The following GLB1 variants were observed in gnomAD, a reference collection of about 807,000 sequenced individuals.
GLB1 encodes the protein beta-galactosidase.
Under a neutral mutation model 74.0 loss-of-function variants are expected in GLB1, and 56 were observed. The observed-to-expected ratio is 0.76, with a 90% CI of 0.61 to 0.94. The LOEUF is 0.94. Among genes scored for constraint, GLB1 ranks in the 40% least tolerant of loss-of-function variants. The probability of loss-of-function intolerance (pLI) is 0.00; values close to 1 mark genes in which losing one functional copy is unlikely to be tolerated. For synonymous variants in GLB1, 323 were observed against 323.6 expected (o/e 1.00, Z 0.02); for missense variants, 787 against 845.5 (o/e 0.93, Z 0.86).
intron 1 of GLB1, chr3:33,092,744 G>A (rs1285208044): frequency 2.6e-5 from 40 of 1,511,936 alleles, no homozygotes; most frequent in Non-Finnish European, 3.5e-5. Flanking sequence ...GAGTGGGCAA[G>A]GCTGGAGGGG....
intron 1 of GLB1, chr3:33,096,480 G>C: frequency 1.0e-6 from 1 of 984,952 alleles, no homozygotes; most frequent in Non-Finnish European, 1.2e-6. Flanking sequence ...AAGGGCAGGC[G>C]ACGGGGAGTG....
chr3:33,051,076 A>G (rs1478423860), intron 9 of GLB1, among the ~76,000 whole-genome samples: 1 of 151,620 alleles, frequency 6.6e-6, no homozygotes, highest in Non-Finnish European at 1.5e-5. Context: ...AAAATACAAA[A>G]ACAAAAATTA....
the GLB1 span, among the ~76,000 whole-genome samples, chr3:32,969,168 T>C: frequency 6.6e-6 from 1 of 152,186 alleles, no homozygotes; most frequent in Non-Finnish European, 1.5e-5. Flanking sequence ...GTGCTGGGTA[T>C]GCAGTGGTGA....
chr3:33,047,197 G>A (rs982122052), intron 9 of GLB1, among the ~76,000 whole-genome samples: 2 of 152,150 alleles, frequency 1.3e-5, no homozygotes, highest in African/African-American at 4.8e-5. Flanking sequence ...AAAGACCAAT[G>A]GATAATGCCA....
At chr3:33,012,071 G>T (rs182796341) in intron 15 of GLB1, among the ~76,000 whole-genome samples, 25 of 152,200 alleles carry the variant, frequency 1.6e-4, no homozygotes, top group Non-Finnish European at 3.2e-4. Flanking sequence ...TCATGTTTTT[G>T]TCCCTCAAAC....
intron 1 of GLB1, among the ~76,000 whole-genome samples, chr3:33,087,130 C>T (rs1700537761): frequency 1.3e-5 from 2 of 151,962 alleles, no homozygotes; most frequent in African/African-American, 4.8e-5. Flanking sequence ...AAGAGAATAG[C>T]ATGAACAACT....
chr3:32,964,378 C>A, the GLB1 span, among the ~76,000 whole-genome samples: 1 of 152,144 alleles, frequency 6.6e-6, no homozygotes. Flanking sequence ...GTGCAGTGGA[C>A]AAAGGGTAAA....
chr3:33,028,668 T>A (rs111420869), intron 10 of GLB1, among the ~76,000 whole-genome samples: 11,313 of 143,122 alleles, frequency 0.079, 509 homozygotes, highest in East Asian at 0.23. Context: ...ACCCAAAAAT[T>A]TTTTTTTTTT....
chr3:33,051,241 A>C (rs1159544082), intron 9 of GLB1, among the ~76,000 whole-genome samples: 1 of 150,314 alleles, frequency 6.7e-6, no homozygotes, highest in Non-Finnish European at 1.5e-5. Flanking sequence ...CTCAAAAAAA[A>C]AAAAAAAAAA....
At position 33,070,124 on chromosome 3, in the gene GLB1, G is replaced by A. The variant is rs1699838616; in HGVS notation, c.246-1154C>T. Among the ~76,000 whole-genome samples the A allele has an allele frequency of 4.6e-5, 7 of 152,276 alleles. No individual in the cohort carries two copies. The South Asian group carries it at 1.5e-3, about 32-fold the overall frequency. ...CCAGCTGCATCCAGTTTGCTGTAAA[G>A]GACATGATCTCATTCTTTTTTGTGA... is the stretch of plus-strand genomic sequence containing the variant. On this transcript the variant is annotated intron_variant, in intron 2 of 15. Transcript: ENST00000307363.
chr3:33,024,959 T>G (rs1373378743), intron 10 of GLB1, among the ~76,000 whole-genome samples: 1 of 152,134 alleles, frequency 6.6e-6, no homozygotes, highest in African/African-American at 2.4e-5. Flanking sequence ...TTTTTTTTTT[T>G]TTTGAGACGA....
chr3:33,068,396 G>C, intron 3 of GLB1, 106 bp from the exon 4 acceptor site: 1 of 1,459,546 alleles, frequency 6.9e-7, no homozygotes, highest in South Asian at 1.3e-5. Context: ...AGCTTCAAGG[G>C]ACAAGGGGTA....
At chr3:33,031,804 G>C (rs180873066) in intron 10 of GLB1, among the ~76,000 whole-genome samples, 16 of 150,512 alleles carry the variant, frequency 1.1e-4, no homozygotes, top group African/African-American at 3.7e-4. Context: ...TTTTTGTTTT[G>C]TTTTGTTTTT....
intron 15 of GLB1, among the ~76,000 whole-genome samples, chr3:32,999,186 AACT>A (rs1696441305): frequency 6.6e-6 from 1 of 152,236 alleles, no homozygotes; most frequent in African/African-American, 2.4e-5. Context: ...CAGTTCTCAG[AACT>A]ATTTCACTCT....
At position 33,097,017 on chromosome 3, in the gene GLB1, G is replaced by A. The variant is rs780964758; in HGVS notation, c.69C>T (p.Gly23=). ...CCGGGTCCCGCAGACTTACGCGCAA[G>A]CCGCGCGTAGGGCCCAGAAGCAGCA... ...LVLLLLGPTR[G]LRNATQRMFE... The change falls in exon 1 of 16, where the codon GGC becomes GGT. Residue 23 remains glycine (G), a synonymous_variant. Transcript: ENST00000307363. The A allele has an allele frequency of 5.0e-6, 8 of 1,612,080 alleles. No homozygotes were observed. The highest frequency in any genetic ancestry group is 5.9e-6 in the Non-Finnish European group (7 of 1,178,936).
chr3:32,963,542 T>A, the GLB1 span, among the ~76,000 whole-genome samples: 1 of 152,214 alleles, frequency 6.6e-6, no homozygotes, highest in Non-Finnish European at 1.5e-5. Flanking sequence ...GCAATTGAAC[T>A]TTTTTCAAAT....
At chr3:32,981,634 C>T in the GLB1 span, among the ~76,000 whole-genome samples, 2 of 151,350 alleles carry the variant, frequency 1.3e-5, no homozygotes, top group Non-Finnish European at 2.9e-5. Flanking sequence ...ATTAGCCAGG[C>T]GTCATGGCGC....
chr3:33,037,989 C>CT (rs2125500921), intron 10 of GLB1: 1 of 127,094 alleles, frequency 7.9e-6, no homozygotes, highest in East Asian at 2.5e-4. Flanking sequence ...ATCTGTGACT[C>CT]TACCTCTCAC....
At chr3:32,995,227 T>G (rs1324064660), downstream of GLB1, among the ~76,000 whole-genome samples, 1 of 152,118 alleles carries the variant, frequency 6.6e-6, no homozygotes, top group Non-Finnish European at 1.5e-5. Context: ...GCTCGTGCCT[T>G]CTGGAGATTC....
Sources: allele counts gnomAD v4.1 joint callset (sites outside exome capture counted in the v4.1 genomes callset), GRCh38; gene constraint gnomAD v4.1.1; transcripts MANE v1.5; gene names NCBI Gene and HGNC (gene_info 2026-07-23, HGNC 2026-07-21).